Variants in CAMKK1 observed in about 807,000 individuals in gnomAD.
CAMKK1 encodes the protein calcium/calmodulin dependent protein kinase kinase 1.
In CAMKK1, 20 loss-of-function variants were observed where a neutral mutation model predicts 63.5. That is an observed-to-expected ratio of 0.32 (90% confidence interval 0.22 to 0.46). The LOEUF is 0.46. Among genes scored for constraint, CAMKK1 ranks in the 20% least tolerant of loss-of-function variants. The pLI is 1.00. For missense variants in CAMKK1, 588 were observed against 658.1 expected (o/e 0.89, Z 1.17); for synonymous variants, 253 against 269.0 (o/e 0.94, Z 0.58).
chr17:3,882,182 T>C lies in CAMKK1; in HGVS notation c.685+346A>G. ...ATGAGGTAGACACCACTAGTATCCC[T>C]GTTTTATAGGTGGGAAAACTGAGGC... On this transcript the variant is annotated intron_variant, in intron 7 of 15. Transcript: ENST00000348335. The surrounding 1 kb of genome is among the most constrained non-coding windows in gnomAD (Gnocchi z 4.3). 9.7e-7 allele frequency: 1 copy of C among 1,028,344 alleles called. No homozygotes were observed. Among genetic ancestry groups the C allele is most frequent in the South Asian group, 1.5e-5 (1 of 67,018 alleles). The allele number at this position is 1,028,344 out of a possible 1,614,324, so 63.7% of individuals were successfully genotyped here.
chr17:3,865,870 A>G (rs767376862), intron 15 of CAMKK1, 38 bp downstream of exon 15: 1 of 1,612,826 alleles, frequency 6.2e-7, no homozygotes, highest in Admixed American at 1.7e-5. Context: ...ACCCAACTCC[A>G]GGGAGTGCCC....
At position 3,872,692 on chromosome 17, in the gene CAMKK1, C is replaced by A. The variant is rs1203069274; in HGVS notation, c.1051-65G>T. On this transcript the variant is annotated intron_variant, in intron 11 of 15. Coordinates refer to ENST00000348335, the MANE Select transcript of CAMKK1 (RefSeq NM_032294.3). ...GCCTCGACCTGTGCCAGGGGATCAA[C>A]CCCCCTCCCTTGGTGGGGGCAGGGG... 5 of 1,419,832 alleles carry A rather than the reference C, an allele frequency of 3.5e-6. No homozygotes were observed. The African/African-American group carries it at 4.2e-5, about 12-fold the overall frequency. The allele number at this position is 1,419,832 out of a possible 1,614,324, so 88.0% of individuals were successfully genotyped here. A position where few individuals can be genotyped will look rare whatever the true frequency, so the allele number is the denominator to read the frequency against.
chr17:3,878,538 T>C (rs2055269125), intron 9 of CAMKK1, among the ~76,000 whole-genome samples: 1 of 152,216 alleles, frequency 6.6e-6, no homozygotes, highest in South Asian at 2.1e-4. Flanking sequence ...AAATGTCCCC[T>C]TCCCATCCCA....
intron 11 of CAMKK1, among the ~76,000 whole-genome samples, chr17:3,872,842 G>A (rs868763316): frequency 9.9e-5 from 15 of 152,154 alleles, no homozygotes; most frequent in African/African-American, 2.4e-4. Context: ...ATCCACCGCC[G>A]TTACTGCCAC....
At position 3,890,968 on chromosome 17, in the gene CAMKK1, A is replaced by AC. The variant is rs2143915079; in HGVS notation, c.-44+1970dup. Among the ~76,000 whole-genome samples the AC allele has an allele frequency of 6.6e-6, 1 of 151,358 alleles. No homozygotes were observed. The highest frequency in any genetic ancestry group is 6.6e-5 in the Admixed American group (1 of 15,226). On this transcript the variant is annotated intron_variant, in intron 1 of 15. Coordinates refer to ENST00000348335, the MANE Select transcript of CAMKK1 (RefSeq NM_032294.3). This position sits in a 1 kb window ranked among gnomAD's most constrained non-coding sequence, Gnocchi z 6.5. ...GACTCCAGGCTAACACCTCCACCCC[A>AC]CCCTACCCCATCCTCCACACCAGCT...
chr17:3,875,448 A>G (rs1215543800), intron 10 of CAMKK1, among the ~76,000 whole-genome samples: 1 of 151,604 alleles, frequency 6.6e-6, no homozygotes, highest in Non-Finnish European at 1.5e-5. Flanking sequence ...CACCTGTCTA[A>G]TGTTTTTATT....
chr17:3,892,633 C>A lies in CAMKK1; in HGVS notation c.-44+306G>T, dbSNP rs1254227502. Among the ~76,000 whole-genome samples, 3 of 152,180 alleles carry A rather than the reference C, an allele frequency of 2.0e-5. No homozygotes were observed. Among genetic ancestry groups the A allele is most frequent in the Admixed American group, 1.3e-4 (2 of 15,286 alleles). On this transcript the variant is annotated intron_variant, in intron 1 of 15. Coordinates refer to ENST00000348335, the MANE Select transcript of CAMKK1 (RefSeq NM_032294.3). The surrounding 1 kb of genome is among the most constrained non-coding windows in gnomAD (Gnocchi z 7.5). ...GACGTGGCCTCCACCAGGAGCCGGG[C>A]GCGGGGGACAGTGCACCGGGGATGG...
intron 11 of CAMKK1, 109 bp downstream of exon 11, chr17:3,873,300 G>T (rs2054978147): frequency 1.1e-6 from 1 of 919,886 alleles, no homozygotes. Flanking sequence ...TCTGAGCCAG[G>T]TGGGCTCTTT....
intron 13 of CAMKK1, 25 bp from the exon 14 acceptor site, chr17:3,869,640 G>A (rs372367846): frequency 1.9e-5 from 30 of 1,613,930 alleles, no homozygotes; most frequent in Admixed American, 3.3e-5. Flanking sequence ...AGGGCAGGGA[G>A]AGGGGGAGAG....
At position 3,875,245 on chromosome 17, in the gene CAMKK1, A is replaced by G. The variant is rs1037677261; in HGVS notation, c.996+978T>C. ...CCAACTTTTCTGTAAATTTAGAATT[A>G]TATCAAAATAAAACATTTCAAAAAA... On this transcript the variant is annotated intron_variant, in intron 10 of 15. Transcript: ENST00000348335. Among the ~76,000 whole-genome samples the G allele has an allele frequency of 3.9e-5, 6 of 152,338 alleles. 1 individual carries two copies. Among genetic ancestry groups the G allele is most frequent in the Admixed American group, 1.3e-4 (2 of 15,306 alleles).
At position 3,873,106 on chromosome 17, in the gene CAMKK1, A is replaced by G. The variant is rs1013665289; in HGVS notation, c.1050+303T>C. ...GTCGAATAAATGAGCAAGGGAGTGA[A>G]CACATGGCTCAATAAGTGAATGGCG... On this transcript the variant is annotated intron_variant, in intron 11 of 15. Transcript: ENST00000348335. Among the ~76,000 whole-genome samples, 4 of 152,220 alleles carry G rather than the reference A, an allele frequency of 2.6e-5. 1 individual carries two copies. The highest frequency in any genetic ancestry group is 4.8e-5 in the African/African-American group (2 of 41,458).
Position 3,882,366 on chromosome 17 carries a change from C to T in CAMKK1, c.685+162G>A, listed in dbSNP as rs568431677. On this transcript the variant is annotated intron_variant, in intron 7 of 15. Transcript: ENST00000348335. This position sits in a 1 kb window ranked among gnomAD's most constrained non-coding sequence, Gnocchi z 4.3. ...ACTGGATATTCTGGGCCTGGTTCTGCAGGGCTGGGCAAGGGAATCCAGGGC... is the reference window on the plus strand; with the variant it reads ...ACTGGATATTCTGGGCCTGGTTCTGTAGGGCTGGGCAAGGGAATCCAGGGC... The T allele has an allele frequency of 6.2e-7, 1 of 1,612,872 alleles. No homozygotes were observed. Among genetic ancestry groups the T allele is most frequent in the South Asian group, 1.1e-5 (1 of 91,042 alleles).
At chr17:3,881,837 T>G in intron 7 of CAMKK1, 189 bp from the exon 8 acceptor site, 1 of 598,994 alleles carries the variant, frequency 1.7e-6, no homozygotes, top group Admixed American at 2.7e-5. Context: ...TGGACCTGTC[T>G]CATCTGATCC....
chr17:3,886,329 G>A (rs932742295), intron 1 of CAMKK1, among the ~76,000 whole-genome samples: 7 of 152,114 alleles, frequency 4.6e-5, no homozygotes, highest in Non-Finnish European at 2.9e-5. Context: ...CCTCATTGAC[G>A]TCTGTCAAAA....
chr17:3,864,500 C>T (rs914054646), intron 15 of CAMKK1, among the ~76,000 whole-genome samples: 13 of 152,226 alleles, frequency 8.5e-5, no homozygotes, highest in Non-Finnish European at 1.5e-4. Context: ...CCCGCCTCGG[C>T]CTCCCAAAGT....
intron 2 of CAMKK1, 130 bp downstream of exon 2, chr17:3,885,198 T>A: frequency 9.1e-7 from 1 of 1,098,582 alleles, no homozygotes; most frequent in Non-Finnish European, 1.3e-6. Context: ...TGTTAGGTAG[T>A]GATCTCCCCA....
intron 12 of CAMKK1, among the ~76,000 whole-genome samples, chr17:3,870,447 G>C (rs933032539): frequency 6.6e-6 from 1 of 151,728 alleles, no homozygotes; most frequent in Non-Finnish European, 1.5e-5. Flanking sequence ...CTCACTGCAA[G>C]CTCCGCCTCC....
At chr17:3,866,562 C>T (rs1246115355) in intron 14 of CAMKK1, among the ~76,000 whole-genome samples, 6 of 152,256 alleles carry the variant, frequency 3.9e-5, no homozygotes, top group South Asian at 2.1e-4. Flanking sequence ...CCGACTCACA[C>T]GCATGCAGAG....
chr17:3,886,409 A>G (rs2055653979), intron 1 of CAMKK1, among the ~76,000 whole-genome samples: 1 of 152,198 alleles, frequency 6.6e-6, no homozygotes, highest in Non-Finnish European at 1.5e-5. Context: ...AGGCAGGTGG[A>G]TCACCTGAGG....
Sources: allele counts gnomAD v4.1 joint callset (sites outside exome capture counted in the v4.1 genomes callset), GRCh38; gene constraint gnomAD v4.1.1; non-coding constraint Gnocchi (gnomAD v3.1); transcripts MANE v1.5; gene names NCBI Gene and HGNC (gene_info 2026-07-23, HGNC 2026-07-21).